RNFT2: variants seen among roughly 807,000 people sequenced by gnomAD.
The protein encoded by RNFT2 is E3 ubiquitin-protein ligase RNFT2.
Under a neutral mutation model 53.0 loss-of-function variants are expected in RNFT2, and 36 were observed. The observed-to-expected ratio is 0.68, with a 90% confidence interval of 0.52 to 0.90. The LOEUF (loss-of-function observed/expected upper bound fraction) is 0.90. Among genes scored for constraint, RNFT2 ranks in the 40% least tolerant of loss-of-function variants. RNFT2 has a pLI of 0.00. For missense variants in RNFT2, 514 were observed against 585.6 expected, an observed-to-expected ratio of 0.88 and a Z score of 1.26; for synonymous variants, 260 against 253.2, an observed-to-expected ratio of 1.03 and a Z score of -0.26.
intron 7 of RNFT2, among the ~76,000 whole-genome samples, chr12:116,832,826 G>A (rs1021284101): frequency 3.3e-5 from 5 of 150,864 alleles, no homozygotes; most frequent in Non-Finnish European, 5.9e-5. Context: ...TGTAGATGGG[G>A]AAACTAAGGG....
intron 7 of RNFT2, 101 bp downstream of exon 7, chr12:116,779,449 A>C (rs1174719206): frequency 6.5e-6 from 8 of 1,231,458 alleles, no homozygotes. Flanking sequence ...GGGTGGACTG[A>C]TGTCAGCATA....
chr12:116,849,589 C>T lies in RNFT2; in HGVS notation c.*141C>T. The T allele has an allele frequency of 1.4e-6, 2 of 1,417,422 alleles. No individual in the cohort carries two copies. The highest frequency in any genetic ancestry group is 1.8e-6 in the Non-Finnish European group (2 of 1,083,800). 87.8% of individuals were successfully genotyped at this position (1,417,422 alleles called of 1,614,324 possible). On this transcript the variant is annotated 3_prime_UTR_variant, in exon 11 of 11. Coordinates refer to ENST00000257575, the MANE Select transcript of RNFT2 (RefSeq NM_001382266.1). ...CACCACCTCTGACCCCAAAGTCCCG[C>T]CCCTGTCTTGTCCTTCTGACCTTCA... is the stretch of plus-strand genomic sequence containing the variant.
chr12:116,839,327 A>G (rs1592989667), intron 10 of RNFT2, among the ~76,000 whole-genome samples: 1 of 148,800 alleles, frequency 6.7e-6, no homozygotes, highest in African/African-American at 2.5e-5. Flanking sequence ...ATGGATGGAC[A>G]GAAGGAAGGA....
At chr12:116,758,716 G>C (rs7960383) in intron 5 of RNFT2, among the ~76,000 whole-genome samples, 137,091 of 152,246 alleles carry the variant, frequency 0.9, 62,159 homozygotes, top group Non-Finnish European at 0.95. Flanking sequence ...TAGGGTTTCT[G>C]CTGAGAAATC....
At chr12:116,761,263 C>T (rs151158084) in intron 5 of RNFT2, among the ~76,000 whole-genome samples, 2,839 of 152,278 alleles carry the variant, frequency 0.019, 80 homozygotes, top group African/African-American at 0.063. Flanking sequence ...ATTCCTCTGC[C>T]TCAGTCTCCC....
chr12:116,810,941 CT>C (rs1875341627), intron 7 of RNFT2, among the ~76,000 whole-genome samples: 2 of 152,200 alleles, frequency 1.3e-5, no homozygotes, highest in South Asian at 4.1e-4. Flanking sequence ...CACGTCTCAA[CT>C]TTTAGCTTGT....
chr12:116,832,118 A>T lies in RNFT2; in HGVS notation c.883-1674A>T, dbSNP rs565877916. On this transcript the variant is annotated intron_variant, in intron 7 of 10. Coordinates refer to ENST00000257575, the MANE Select transcript of RNFT2 (RefSeq NM_001382266.1). The stretch of plus-strand genomic sequence containing the variant: ...TGCACTCCAGCCTGGGCAACATAGC[A>T]AGACCTTGTCTCAAAAAAAAAAAAA... Among the ~76,000 whole-genome samples, 8 of 123,798 alleles carry T rather than the reference A, an allele frequency of 6.5e-5. No individual in the cohort carries two copies. The East Asian group carries it at 9.0e-4, about 14-fold the overall frequency. 81.2% of individuals were successfully genotyped at this position (123,798 alleles called of 152,430 possible). A position where few individuals can be genotyped will look rare whatever the true frequency, so the allele number is the denominator to read the frequency against.
At chr12:116,756,587 A>T (rs1368290581) in intron 5 of RNFT2, among the ~76,000 whole-genome samples, 3 of 152,106 alleles carry the variant, frequency 2.0e-5, no homozygotes, top group African/African-American at 7.2e-5. Flanking sequence ...TGAAATGATC[A>T]TGTGATTTTT....
intron 4 of RNFT2, among the ~76,000 whole-genome samples, chr12:116,750,878 ATATT>A (rs1872200599): frequency 6.2e-4 from 2 of 3,218 alleles, no homozygotes; most frequent in Non-Finnish European, 1.2e-3. Flanking sequence ...TATAATATAT[ATATT>A]ATATATATAA....
At chr12:116,843,263 C>T (rs571132690) in intron 10 of RNFT2, among the ~76,000 whole-genome samples, 5 of 152,070 alleles carry the variant, frequency 3.3e-5, no homozygotes, top group Admixed American at 1.3e-4. Context: ...GAGGCTGAGG[C>T]GATTGGATCC....
intron 10 of RNFT2, among the ~76,000 whole-genome samples, chr12:116,842,547 C>A (rs1474173329): frequency 6.6e-6 from 1 of 150,500 alleles, no homozygotes; most frequent in East Asian, 2.0e-4. Context: ...GTATCATGTT[C>A]CTACTTTATT....
At chr12:116,813,506 C>T (rs1209725119) in intron 7 of RNFT2, among the ~76,000 whole-genome samples, 1 of 152,184 alleles carries the variant, frequency 6.6e-6, no homozygotes, top group African/African-American at 2.4e-5. Flanking sequence ...GAAGTCTAAA[C>T]TTGTGGTTGG....
At chr12:116,742,103 G>A (rs1871635349) in intron 3 of RNFT2, among the ~76,000 whole-genome samples, 1 of 152,040 alleles carries the variant, frequency 6.6e-6, no homozygotes, top group Non-Finnish European at 1.5e-5. Flanking sequence ...GGCCACCTGG[G>A]GAAGCACCAG....
At chr12:116,781,917 A>C (rs1349145174) in intron 7 of RNFT2, among the ~76,000 whole-genome samples, 2 of 151,798 alleles carry the variant, frequency 1.3e-5, no homozygotes, top group East Asian at 3.9e-4. Context: ...TCTCTACTAA[A>C]AATACAAAAA....
At chr12:116,801,998 T>C (rs1453555556) in intron 7 of RNFT2, among the ~76,000 whole-genome samples, 1 of 152,128 alleles carries the variant, frequency 6.6e-6, no homozygotes, top group Non-Finnish European at 1.5e-5. Context: ...ATTTTTGTAT[T>C]TGTAGCAGAG....
At chr12:116,763,604 T>TA (rs199921921) in intron 5 of RNFT2, among the ~76,000 whole-genome samples, 107 of 81,954 alleles carry the variant, frequency 1.3e-3, no homozygotes, top group African/African-American at 2.2e-3. Context: ...CCATCTCAGT[T>TA]AAAAAAAAAA....
chr12:116,782,087 A>AAAAAAAAAAAAAAAAAC (rs1873739041), intron 7 of RNFT2: 1 of 148,512 alleles, frequency 6.7e-6, no homozygotes, highest in African/African-American at 2.5e-5. Context: ...TCCAAAAAAA[A>AAAAAAAAAAAAAAAAAC]AAAAAAATGT....
intron 10 of RNFT2, 34 bp from the exon 11 acceptor site, chr12:116,849,280 G>T (rs371267022): frequency 3.4e-6 from 5 of 1,491,702 alleles, no homozygotes; most frequent in Non-Finnish European, 4.5e-6. Context: ...GCTCAGTAAA[G>T]AGTCCTGGTG....
intron 7 of RNFT2, among the ~76,000 whole-genome samples, chr12:116,803,376 T>TA (rs1396838004): frequency 6.6e-6 from 1 of 152,226 alleles, no homozygotes; most frequent in South Asian, 2.1e-4. Context: ...TTTAAAATTA[T>TA]AAAATATTTC....
Sources: gnomAD v4.1 joint callset for allele counts (sites outside exome capture counted in the v4.1 genomes callset) on GRCh38, gnomAD v4.1.1 for gene constraint, MANE v1.5 for transcripts, NCBI Gene and HGNC (gene_info 2026-07-23, HGNC 2026-07-21) for gene names.